EHMT1: variants seen among roughly 807,000 people sequenced by gnomAD.
The protein encoded by EHMT1 is euchromatic histone lysine methyltransferase 1, also known as histone-lysine N-methyltransferase EHMT1.
EHMT1 carries 15 observed loss-of-function variants against 147.2 expected under a neutral mutation model. The observed-to-expected ratio is 0.10, with a 90% CI of 0.07 to 0.16. EHMT1 has a LOEUF of 0.16. Ranked by LOEUF, EHMT1 falls within the 10% of genes least tolerant of loss-of-function variation. EHMT1 has a pLI of 1.00. For synonymous variants in EHMT1, 795 were observed against 709.6 expected (o/e 1.12, Z -1.91); for missense variants, 1,587 against 1,772.4 (o/e 0.90, Z 1.88).
Position 137,815,982 on chromosome 9 carries a change from G to A in EHMT1, c.3294G>A (p.Glu1098=). Residue 1098 remains glutamate, a synonymous_variant, in exon 23 of 27, where the codon GAG becomes GAA. Transcript: ENST00000460843. ...TCCTGCCAGAGTTCAACATGGCGGAGCCTCCCTTGATCTTCGAATGCAACC... is the reference window on the plus strand; with the variant it reads ...TCCTGCCAGAGTTCAACATGGCGGAACCTCCCTTGATCTTCGAATGCAACC... ...GRLLPEFNMA[E]PPLIFECNHA... is the part of the protein sequence containing the mutation. 1 of 1,611,844 alleles carries A rather than the reference G, an allele frequency of 6.2e-7. No individual in the cohort carries two copies. The highest frequency in any genetic ancestry group is 8.5e-7 in the Non-Finnish European group (1 of 1,178,976).
chr9:137,832,109 T>G (rs1357713655), intron 25 of EHMT1, among the ~76,000 whole-genome samples: 1 of 147,450 alleles, frequency 6.8e-6, no homozygotes, highest in Non-Finnish European at 1.5e-5. Flanking sequence ...AGTCCTAGGA[T>G]TGGCTGGGCT....
chr9:137,719,643 A>G (rs896472101), intron 3 of EHMT1, among the ~76,000 whole-genome samples: 2 of 152,216 alleles, frequency 1.3e-5, no homozygotes, highest in African/African-American at 4.8e-5. Flanking sequence ...AGCTTCCTTC[A>G]GTGGTGATGT....
Position 137,813,506 on chromosome 9 carries a change from C to G in EHMT1, c.3156C>G (p.Ile1052Met), listed in dbSNP as rs771506091. ...SQNCVTSPMNIDRNITHLQYC... is the reference protein window; with the variant it reads ...SQNCVTSPMNMDRNITHLQYC... ...ACTGCGTGACGTCCCCCATGAACAT[C>G]GACAGAAATATCACTCATCTGCAGG... is the stretch of plus-strand genomic sequence containing the variant. The change falls in exon 21 of 27, where the codon ATC becomes ATG. Residue 1052 changes from isoleucine (I) to methionine (M), a missense_variant. Around this residue, in one of 7 missense-constraint regions of EHMT1, gnomAD observed 156 missense variants for 252.5 expected, o/e 0.62. Coordinates refer to ENST00000460843, the MANE Select transcript of EHMT1 (RefSeq NM_024757.5). This position sits in a 1 kb window ranked among gnomAD's most constrained non-coding sequence, Gnocchi z 4.9. 1.2e-6 allele frequency: 2 copies of G among 1,613,836 alleles called. No individual in the cohort carries two copies. Among genetic ancestry groups the G allele is most frequent in the African/African-American group, 1.3e-5 (1 of 74,906 alleles).
chr9:137,692,562 G>C (rs77297705), intron 1 of EHMT1, among the ~76,000 whole-genome samples: 6,399 of 152,008 alleles, frequency 0.042, 430 homozygotes, highest in African/African-American at 0.15. Flanking sequence ...CACCGAGCCC[G>C]GCCTCAGATG....
intron 25 of EHMT1, among the ~76,000 whole-genome samples, chr9:137,833,876 G>A (rs970373971): frequency 6.6e-6 from 1 of 152,214 alleles, no homozygotes; most frequent in Non-Finnish European, 1.5e-5. Context: ...AGACCCTCTG[G>A]GGACTGCTCC....
chr9:137,824,757 G>A (rs1045892673), intron 25 of EHMT1, among the ~76,000 whole-genome samples: 14 of 152,136 alleles, frequency 9.2e-5, no homozygotes, highest in African/African-American at 3.4e-4. Flanking sequence ...ATTATAAACA[G>A]TATTGTTTTT....
At position 137,834,985 on chromosome 9, in the gene EHMT1, C is replaced by T. The variant is rs1956502304; in HGVS notation, c.*32C>T. 2.2e-6 allele frequency: 3 copies of T among 1,378,586 alleles called. No individual in the cohort carries two copies. The highest frequency in any genetic ancestry group is 2.8e-6 in the Non-Finnish European group (3 of 1,074,162). 85.4% of individuals were successfully genotyped at this position (1,378,586 alleles called of 1,614,324 possible). On this transcript the variant is annotated 3_prime_UTR_variant, in exon 27 of 27. Transcript: ENST00000460843. ...GCCGGCCAGCGGGGCGCTCGGGAGCCAGGGACCGCCGCGTCGCCGATTAGA... is the reference window on the plus strand; with the variant it reads ...GCCGGCCAGCGGGGCGCTCGGGAGCTAGGGACCGCCGCGTCGCCGATTAGA...
intron 16 of EHMT1, among the ~76,000 whole-genome samples, chr9:137,795,443 A>T (rs1312761135): frequency 3.7e-5 from 5 of 135,674 alleles, no homozygotes; most frequent in Non-Finnish European, 8.2e-5. Flanking sequence ...ACACTCACAT[A>T]CACACACAGA....
intron 18 of EHMT1, 104 bp downstream of exon 18, chr9:137,801,088 G>A (rs1425772433): frequency 6.1e-5 from 60 of 984,440 alleles, no homozygotes; most frequent in African/African-American, 2.1e-4. Flanking sequence ...ACCTGGTGGC[G>A]GCTTTGACCT....
chr9:137,754,991 C>T (rs985779537), intron 8 of EHMT1, among the ~76,000 whole-genome samples: 13 of 152,236 alleles, frequency 8.5e-5, no homozygotes, highest in East Asian at 3.9e-4. Flanking sequence ...TGAATCACAA[C>T]GTGAATGTAG....
intron 3 of EHMT1, among the ~76,000 whole-genome samples, chr9:137,719,811 C>T (rs1451250508): frequency 6.6e-6 from 1 of 151,982 alleles, no homozygotes; most frequent in Non-Finnish European, 1.5e-5. Context: ...CCACTACAGT[C>T]GAGATGCCGA....
chr9:137,801,038 C>G, intron 18 of EHMT1, 54 bp downstream of exon 18: 1 of 1,524,576 alleles, frequency 6.6e-7, no homozygotes, highest in Middle Eastern at 1.7e-4. Flanking sequence ...TGGGGACCTC[C>G]TCCCCCAGAA....
At chr9:137,827,502 G>T (rs1380065988) in intron 25 of EHMT1, among the ~76,000 whole-genome samples, 2 of 152,228 alleles carry the variant, frequency 1.3e-5, no homozygotes, top group Non-Finnish European at 2.9e-5. Context: ...GTGCCAGGAA[G>T]CTTTCTGATT....
intron 18 of EHMT1, among the ~76,000 whole-genome samples, chr9:137,807,207 C>T (rs4876890): frequency 7.9e-5 from 12 of 152,188 alleles, no homozygotes; most frequent in Non-Finnish European, 1.6e-4. Context: ...CAGAGTGGTT[C>T]CACAGCTCAC....
At chr9:137,793,991 G>C (rs1164870011) in intron 16 of EHMT1, among the ~76,000 whole-genome samples, 1 of 152,148 alleles carries the variant, frequency 6.6e-6, no homozygotes, top group Non-Finnish European at 1.5e-5. Flanking sequence ...TGTATAAAAT[G>C]TTTTAAATGG....
intron 4 of EHMT1, among the ~76,000 whole-genome samples, chr9:137,733,278 T>C (rs1256186633): frequency 6.6e-6 from 1 of 152,154 alleles, no homozygotes; most frequent in African/African-American, 2.4e-5. Context: ...TTTTACAGAG[T>C]GGACTGGCAT....
rs769836195 is a variant in EHMT1 at position 137,664,231 on chromosome 9, A to G, written c.21+45182A>G. On this transcript the variant is annotated intron_variant, in intron 1 of 26. Transcript: ENST00000460843. ...TGTGTGTTTTTAAAATTTGATAACT[A>G]TTGCCAAGTTGCCCCCAGAGAGATT... Among the ~76,000 whole-genome samples the G allele has an allele frequency of 9.3e-5, 14 of 149,842 alleles. No individual in the cohort carries two copies. The East Asian group carries it at 9.8e-4, about 10-fold the overall frequency.
At position 137,824,459 on chromosome 9, in the gene EHMT1, C is replaced by T. The variant is rs1955671341; in HGVS notation, c.3540+6321C>T. ...GTTAGGTCCTCATACTCCTCATACT[C>T]GGTTTTTTTTTCAAAACTGTTTTGC... is the stretch of plus-strand genomic sequence containing the variant. On this transcript the variant is annotated intron_variant, in intron 25 of 26. Coordinates refer to ENST00000460843, the MANE Select transcript of EHMT1 (RefSeq NM_024757.5). 5.0e-5 allele frequency among the ~76,000 whole-genome samples: 7 copies of T among 140,470 alleles called. No individual in the cohort carries two copies. In the South Asian group the frequency reaches 1.2e-3, roughly 25 times the overall value. The allele number at this position is 140,470 out of a possible 152,430, so 92.2% of individuals were successfully genotyped here.
intron 25 of EHMT1, among the ~76,000 whole-genome samples, chr9:137,819,577 C>T (rs866084364): frequency 5.8e-4 from 26 of 44,898 alleles, no homozygotes; most frequent in African/African-American, 2.0e-3. Context: ...GAGAGGCCGA[C>T]TGAGGGGCGC....
Sources: allele counts gnomAD v4.1 joint callset (sites outside exome capture counted in the v4.1 genomes callset), GRCh38; gene constraint gnomAD v4.1.1; regional missense constraint gnomAD v4.1.1; non-coding constraint Gnocchi (gnomAD v3.1); transcripts MANE v1.5; gene names NCBI Gene and HGNC (gene_info 2026-07-23, HGNC 2026-07-21).